RYR2: variants seen among roughly 807,000 people sequenced by gnomAD.
The protein encoded by RYR2 is cardiac muscle ryanodine receptor-calcium release channel.
Under a neutral mutation model 601.1 loss-of-function variants are expected in RYR2, and 227 were observed. That is an observed-to-expected ratio of 0.38 (90% CI 0.34 to 0.42). The LOEUF is 0.42. RYR2 is among the 10% of genes least tolerant of loss of function. The pLI is 1.00. For synonymous variants in RYR2, 2,223 were observed against 2,175.1 expected, an observed-to-expected ratio of 1.02 and a Z score of -0.61; for missense variants, 4,646 against 6,156.5, an observed-to-expected ratio of 0.75 and a Z score of 8.21.
Position 237,702,055 on chromosome 1 carries a change from G to T in RYR2, c.9445G>T (p.Glu3149Ter). ...ALGTSKSIYV[E>*]RQRSALGECL... ...GGGAACCAGCAAGAGTATTTACGTG[G>T]AGAGGTAAGAATGTTTAAAGTTTAA... is the stretch of plus-strand genomic sequence containing the variant. Residue 3149 changes from glutamate (E) to a stop codon, truncating the protein, a stop_gained, in exon 66 of 105, where the codon GAG (glutamate) becomes TAG (stop). Coordinates refer to ENST00000366574, the MANE Select transcript of RYR2 (RefSeq NM_001035.3). LOFTEE classifies it high-confidence loss of function. 6.4e-7 allele frequency: 1 copy of T among 1,574,640 alleles called. No individual in the cohort carries two copies. Among genetic ancestry groups the T allele is most frequent in the South Asian group, 1.1e-5 (1 of 89,986 alleles).
At chr1:237,252,284 C>T (rs184108817) in intron 1 of RYR2, among the ~76,000 whole-genome samples, 6 of 152,018 alleles carry the variant, frequency 3.9e-5, no homozygotes, top group Admixed American at 6.6e-5. Context: ...TTCCTGGAGC[C>T]GACTGAGACA....
chr1:237,348,946 T>G (rs138980307), intron 3 of RYR2, among the ~76,000 whole-genome samples: 49 of 152,266 alleles, frequency 3.2e-4, no homozygotes, highest in African/African-American at 1.1e-3. Flanking sequence ...AAAAATAGAT[T>G]AGTTGAAAAT....
In RYR2 at chr1:237,187,633, G is replaced by A. The variant is rs549857061; in HGVS notation, c.49-82864G>A. ...TAATTTTTTAATTCTTTGTAGATAC[G>A]GTGTCTCACTATGTTACCCAGGCTG... On this transcript the variant is annotated intron_variant, in intron 1 of 104. Transcript: ENST00000366574. Among the ~76,000 whole-genome samples the A allele has an allele frequency of 7.3e-5, 11 of 151,222 alleles. No homozygotes were observed. In the South Asian group the frequency reaches 1.7e-3, roughly 23 times the overall value.
chr1:237,348,480 C>T (rs1698488578), intron 3 of RYR2, among the ~76,000 whole-genome samples: 1 of 152,132 alleles, frequency 6.6e-6, no homozygotes, highest in South Asian at 2.1e-4. Flanking sequence ...ATTCCAGGCT[C>T]TCAGTTGGAA....
intron 63 of RYR2, among the ~76,000 whole-genome samples, chr1:237,690,776 T>C (rs1253225360): frequency 6.6e-6 from 1 of 152,122 alleles, no homozygotes; most frequent in African/African-American, 2.4e-5. Flanking sequence ...GGTGGGAGGA[T>C]TGCTTGAGCC....
In RYR2 at chr1:237,145,443, A is replaced by T. The variant is rs566148511; in HGVS notation, c.48+102874A>T. Reference sequence around the variant, plus strand: ...GTTCCTGGTTTGTGATATGAGGAACATGCTTCTTTGAACATTCCTATTGTA... The same window carrying T: ...GTTCCTGGTTTGTGATATGAGGAACTTGCTTCTTTGAACATTCCTATTGTA... On this transcript the variant is annotated intron_variant, in intron 1 of 104. Transcript: ENST00000366574. Among the ~76,000 whole-genome samples, 22 of 152,334 alleles carry T rather than the reference A, an allele frequency of 1.4e-4. No homozygotes were observed. In the South Asian group the frequency reaches 4.6e-3, roughly 32 times the overall value.
At chr1:237,087,398 A>C (rs1666461895) in intron 1 of RYR2, among the ~76,000 whole-genome samples, 1 of 152,150 alleles carries the variant, frequency 6.6e-6, no homozygotes. Context: ...CTGGTTACCT[A>C]CCATGATGAA....
chr1:237,426,850 C>T (rs1287291207), intron 12 of RYR2, among the ~76,000 whole-genome samples: 2 of 151,884 alleles, frequency 1.3e-5, no homozygotes, highest in Non-Finnish European at 2.9e-5. Context: ...TGCATTCCAG[C>T]CTGGGCAACA....
At chr1:237,641,493 C>CTTTCTTTCTTTCTTTCTTTCTTTCTT in intron 47 of RYR2, among the ~76,000 whole-genome samples, 1 of 142,086 alleles carries the variant, frequency 7.0e-6, no homozygotes, top group East Asian at 2.1e-4. Context: ...TTCTTTCTTT[C>CTTTCTTTCTTTCTTTCTTTCTTTCTT]TTTCTTTCTT....
rs56317247 is a variant in RYR2, at chr1:237,408,407, A to ATATATATATAT, written c.774-8642_774-8641insTATATATATAT. On this transcript the variant is annotated intron_variant, in intron 10 of 104. Transcript: ENST00000366574. ...TCTAGATTCTTTATATATATATATA[A>ATATATATATAT]ATGGATATCCAGTCTTTTCAGTACT... Among the ~76,000 whole-genome samples the ATATATATATAT allele has an allele frequency of 6.9e-3, 916 of 132,856 alleles. 77 individuals are homozygous for ATATATATATAT. Among genetic ancestry groups the ATATATATATAT allele is most frequent in the African/African-American group, 0.028 (853 of 30,598 alleles). 87.2% of individuals were successfully genotyped at this position (132,856 alleles called of 152,430 possible).
chr1:237,328,408 A>G (rs980118779), intron 2 of RYR2, among the ~76,000 whole-genome samples: 4 of 148,754 alleles, frequency 2.7e-5, no homozygotes, highest in Non-Finnish European at 5.9e-5. Context: ...CTAGCCTTTG[A>G]ACTTTTATAT....
intron 5 of RYR2, among the ~76,000 whole-genome samples, chr1:237,367,681 T>G (rs2149744627): frequency 6.6e-6 from 1 of 152,308 alleles, no homozygotes; most frequent in East Asian, 1.9e-4. Flanking sequence ...TCATAATATT[T>G]TGTACCTTCC....
intron 1 of RYR2, among the ~76,000 whole-genome samples, chr1:237,231,397 G>A (rs1684986076): frequency 6.6e-6 from 1 of 150,872 alleles, no homozygotes; most frequent in Admixed American, 6.6e-5. Flanking sequence ...CTGGGCTTAA[G>A]CGATCCTCCT....
At chr1:237,238,889 G>A (rs186016029) in intron 1 of RYR2, among the ~76,000 whole-genome samples, 107 of 147,674 alleles carry the variant, frequency 7.2e-4, no homozygotes, top group Non-Finnish European at 1.1e-3. Flanking sequence ...TAAAAGGTAC[G>A]AACCCAATTA....
At chr1:237,324,660 AGT>A (rs1695973989) in intron 2 of RYR2, among the ~76,000 whole-genome samples, 1 of 152,170 alleles carries the variant, frequency 6.6e-6, no homozygotes, top group African/African-American at 2.4e-5. Flanking sequence ...AAGTCGGATA[AGT>A]ATTTTTCCAC....
chr1:237,369,752 T>C, intron 6 of RYR2, 144 bp downstream of exon 6: 1 of 661,946 alleles, frequency 1.5e-6, no homozygotes, highest in Admixed American at 2.9e-5. Flanking sequence ...GTACCCTTGT[T>C]AGTTTCTCAT....
At chr1:237,508,894 T>C (rs112944974) in intron 23 of RYR2, among the ~76,000 whole-genome samples, 4,202 of 149,684 alleles carry the variant, frequency 0.028, 81 homozygotes, top group Non-Finnish European at 0.042. Context: ...AGGCGCCCGC[T>C]ACCACGCCCG....
chr1:237,429,078 C>T (rs1706514320), intron 12 of RYR2, among the ~76,000 whole-genome samples: 1 of 151,924 alleles, frequency 6.6e-6, no homozygotes, highest in Non-Finnish European at 1.5e-5. Flanking sequence ...TGGGAACATG[C>T]CAACAGTTAG....
intron 17 of RYR2, among the ~76,000 whole-genome samples, chr1:237,472,101 A>T (rs1660790974): frequency 6.6e-6 from 1 of 152,186 alleles, no homozygotes; most frequent in Admixed American, 6.5e-5. Context: ...TATGCTTTTA[A>T]TGAACTGTTT....
Sources: allele counts gnomAD v4.1 joint callset (sites outside exome capture counted in the v4.1 genomes callset), GRCh38; gene constraint gnomAD v4.1.1; transcripts MANE v1.5; gene names NCBI Gene and HGNC (gene_info 2026-07-23, HGNC 2026-07-21).